Variants in RFFL observed in about 807,000 individuals in gnomAD.
The protein encoded by RFFL is ring finger and FYVE like domain containing E3 ubiquitin protein ligase, also known as E3 ubiquitin-protein ligase rififylin.
In RFFL, 16 loss-of-function variants were observed where a neutral mutation model predicts 40.4. The ratio of observed to expected loss-of-function variants is 0.40; its 90% confidence interval spans 0.27 to 0.60. The LOEUF is 0.60. Among genes scored for constraint, RFFL ranks in the 20% least tolerant of loss-of-function variants. RFFL has a pLI of 0.47. For missense variants in RFFL, 367 were observed against 451.7 expected, an observed-to-expected ratio of 0.81 and a Z score of 1.70; for synonymous variants, 154 against 167.9, an observed-to-expected ratio of 0.92 and a Z score of 0.64.
intron 1 of RFFL, among the ~76,000 whole-genome samples, chr17:35,075,693 GGA>G (rs773059393): frequency 2.0e-5 from 3 of 152,164 alleles, no homozygotes; most frequent in Non-Finnish European, 4.4e-5. Flanking sequence ...AAGCATGCAT[GGA>G]GAGATTTCCC....
In RFFL at chr17:35,007,163, C is replaced by T. The variant is rs1388600920; in HGVS notation, c.*4805G>A. The stretch of plus-strand genomic sequence containing the variant: ...AGGCACTGTCCTCTCCAACCTGGAC[C>T]CAGCCCCACTTGCCCTTATTGGTTG... On this transcript the variant is annotated 3_prime_UTR_variant, in exon 7 of 7. Transcript: ENST00000394597. 6.6e-6 allele frequency: 1 copy of T among 152,248 alleles called. No individual in the cohort carries two copies. Among genetic ancestry groups the T allele is most frequent in the African/African-American group, 2.4e-5 (1 of 41,442 alleles). 9.4% of individuals were successfully genotyped at this position (152,248 alleles called of 1,614,324 possible). A position where few individuals can be genotyped will look rare whatever the true frequency, so the allele number is the denominator to read the frequency against.
chr17:35,050,081 CA>C (rs35308985), intron 1 of RFFL, among the ~76,000 whole-genome samples: 1,568 of 116,410 alleles, frequency 0.013, 6 homozygotes, highest in African/African-American at 0.031. Flanking sequence ...GACTCCATCT[CA>C]AAAAAAAAAA....
intron 1 of RFFL, among the ~76,000 whole-genome samples, chr17:35,054,531 T>C (rs570529042): frequency 3.4e-4 from 52 of 152,244 alleles, no homozygotes; most frequent in African/African-American, 1.1e-3. Flanking sequence ...CTCTATCTTT[T>C]ATCTTCCCCT....
chr17:35,066,193 T>C (rs2091320558), upstream of RFFL, among the ~76,000 whole-genome samples: 1 of 152,190 alleles, frequency 6.6e-6, no homozygotes, highest in Admixed American at 6.5e-5. Context: ...CAAAACTATT[T>C]ATGCTTTTTT....
rs2090907363 is a variant in RFFL at position 35,007,927 on chromosome 17, G to A, written c.*4041C>T. ...GCTAAGTTTTTGTATTTTTAGTAGA[G>A]ACCACGTTTCGCCATGTTGTCCAGA... On this transcript the variant is annotated 3_prime_UTR_variant, in exon 7 of 7. Transcript: ENST00000394597. 1.3e-5 allele frequency: 2 copies of A among 152,128 alleles called. No individual in the cohort carries two copies. The highest frequency in any genetic ancestry group is 2.9e-5 in the Non-Finnish European group (2 of 68,046). 9.4% of individuals were successfully genotyped at this position (152,128 alleles called of 1,614,324 possible).
chr17:35,083,780 CAA>C (rs1386219932), intron 1 of RFFL, among the ~76,000 whole-genome samples: 19 of 76,784 alleles, frequency 2.5e-4, no homozygotes, highest in Admixed American at 6.0e-4. Flanking sequence ...GACTCTGTCT[CAA>C]AAAAAAAAAA....
chr17:35,062,929 C>T (rs1213748281), intron 1 of RFFL, among the ~76,000 whole-genome samples: 3 of 152,122 alleles, frequency 2.0e-5, no homozygotes, highest in African/African-American at 7.2e-5. Context: ...ACTGATAAGA[C>T]AGTGTTCTCC....
At chr17:35,024,348 C>T (rs1238068586) in intron 2 of RFFL, among the ~76,000 whole-genome samples, 1 of 152,108 alleles carries the variant, frequency 6.6e-6, no homozygotes, top group Non-Finnish European at 1.5e-5. Flanking sequence ...TTCCCCTTAC[C>T]AGCACCTAAG....
chr17:35,078,792 C>T (rs149783637), intron 1 of RFFL, among the ~76,000 whole-genome samples: 2 of 151,976 alleles, frequency 1.3e-5, no homozygotes, highest in East Asian at 3.9e-4. Context: ...CCAGCCTGGC[C>T]AACATGATGA....
intron 2 of RFFL, among the ~76,000 whole-genome samples, chr17:35,024,011 A>G (rs910517559): frequency 6.6e-6 from 1 of 152,236 alleles, no homozygotes; most frequent in African/African-American, 2.4e-5. Context: ...TTATGTATAA[A>G]TTCTGCCGAA....
rs1390214905 is a variant in RFFL at position 35,021,777 on chromosome 17, G to T, written c.185C>A (p.Thr62Asn). Residue 62 changes from threonine (T) to asparagine (N), a missense_variant, in exon 3 of 7, where the codon ACC (threonine) becomes AAC (asparagine). Thr to Asn is a moderately conservative substitution (Grantham distance 65). Coordinates refer to ENST00000394597, the MANE Select transcript of RFFL (RefSeq NM_001017368.2). ...AHFANTARKQ[T>N]CLDCKKNFCM... ...AAAATTTTTCTTACAGTCCAAGCAG[G>T]TCTGCTGCTTAGAGCAAAAGACACA... is the stretch of plus-strand genomic sequence containing the variant. 1 of 1,614,152 alleles carries T rather than the reference G, an allele frequency of 6.2e-7. No individual in the cohort carries two copies. The highest frequency in any genetic ancestry group is 8.5e-7 in the Non-Finnish European group (1 of 1,180,016).
At chr17:35,084,614 G>A (rs1358126448) in intron 1 of RFFL, among the ~76,000 whole-genome samples, 1 of 150,362 alleles carries the variant, frequency 6.7e-6, no homozygotes, top group East Asian at 2.0e-4. Flanking sequence ...AATAGGCTGG[G>A]TGTGGTGGCT....
At chr17:35,033,027 C>G (rs2091095962) in intron 1 of RFFL, among the ~76,000 whole-genome samples, 1 of 151,922 alleles carries the variant, frequency 6.6e-6, no homozygotes. Flanking sequence ...TGAATTCACA[C>G]AATTCCAAGG....
chr17:35,042,033 A>C (rs1356563799), intron 1 of RFFL, among the ~76,000 whole-genome samples: 1 of 152,048 alleles, frequency 6.6e-6, no homozygotes, highest in Non-Finnish European at 1.5e-5. Context: ...AAATAAAATA[A>C]AATGCCAATG....
At chr17:35,042,823 C>CAAAA (rs11296826) in intron 1 of RFFL, among the ~76,000 whole-genome samples, 244 of 60,138 alleles carry the variant, frequency 4.1e-3, no homozygotes, top group African/African-American at 5.7e-3. Context: ...GACTCCATCT[C>CAAAA]AAAAAAAAAA....
Position 35,014,770 on chromosome 17 carries a change from A to C in RFFL, c.887-7T>G. On this transcript the variant is annotated splice_polypyrimidine_tract_variant and splice_region_variant and intron_variant, in intron 5 of 6. Coordinates refer to ENST00000394597, the MANE Select transcript of RFFL (RefSeq NM_001017368.2). ...TGGTCTTCGGCACCACTGACTGAAAAGGAAAGAGAAGGATGTCTGAATAGG... is the reference window on the plus strand; with the variant it reads ...TGGTCTTCGGCACCACTGACTGAAACGGAAAGAGAAGGATGTCTGAATAGG... 6.2e-7 allele frequency: 1 copy of C among 1,612,760 alleles called. No homozygotes were observed. Among genetic ancestry groups the C allele is most frequent in the Non-Finnish European group, 8.5e-7 (1 of 1,178,778 alleles).
intron 1 of RFFL, among the ~76,000 whole-genome samples, chr17:35,045,899 GC>G (rs1311847468): frequency 6.6e-6 from 1 of 151,836 alleles, no homozygotes; most frequent in Non-Finnish European, 1.5e-5. Context: ...TGGTGTATAT[GC>G]CCATAGTCCC....
chr17:35,068,452 C>T (rs570681460), upstream of RFFL, among the ~76,000 whole-genome samples: 7 of 152,346 alleles, frequency 4.6e-5, no homozygotes, highest in African/African-American at 1.7e-4. Context: ...GCCACTTTCA[C>T]ATTTAGATAC....
chr17:35,086,865 T>C (rs1346277948), intron 1 of RFFL, among the ~76,000 whole-genome samples: 1 of 152,224 alleles, frequency 6.6e-6, no homozygotes, highest in Non-Finnish European at 1.5e-5. Context: ...AAGGTGGAAT[T>C]AGTCCCCCTA....
Sources: gnomAD v4.1 joint callset for allele counts (sites outside exome capture counted in the v4.1 genomes callset) on GRCh38, gnomAD v4.1.1 for gene constraint, MANE v1.5 for transcripts, NCBI Gene and HGNC (gene_info 2026-07-23, HGNC 2026-07-21) for gene names.